Variants in HPSE2 observed in about 807,000 individuals in gnomAD.
HPSE2 encodes the protein heparanase 2 (inactive).
HPSE2 carries 38 observed loss-of-function variants against 60.5 expected under a neutral mutation model. The ratio of observed to expected loss-of-function variants is 0.63; its 90% CI spans 0.48 to 0.82. The LOEUF (loss-of-function observed/expected upper bound fraction) is 0.82, where lower values mean the gene tolerates loss of function less well. Among genes scored for constraint, HPSE2 ranks in the 40% least tolerant of loss-of-function variants. The pLI is 0.00. For missense variants in HPSE2, 713 were observed against 740.4 expected (o/e 0.96, Z 0.43); for synonymous variants, 295 against 293.2 (o/e 1.01, Z -0.06).
intron 11 of HPSE2, among the ~76,000 whole-genome samples, chr10:98,475,149 G>A (rs951905701): frequency 1.4e-5 from 2 of 142,268 alleles, no homozygotes; most frequent in East Asian, 2.0e-4. Context: ...ACGGAGTCTC[G>A]CTCTGTCGCC....
the HPSE2 span, among the ~76,000 whole-genome samples, chr10:99,269,033 C>T: frequency 6.6e-6 from 1 of 151,990 alleles, no homozygotes; most frequent in Admixed American, 6.6e-5. Context: ...GTGGCAGGTA[C>T]CTGCAATCCC....
intron 9 of HPSE2, among the ~76,000 whole-genome samples, chr10:98,566,118 G>A (rs1056391310): frequency 1.3e-5 from 2 of 152,174 alleles, no homozygotes; most frequent in African/African-American, 4.8e-5. Flanking sequence ...CACTTCAAAT[G>A]TGTGAAATAC....
chr10:98,546,893 T>A (rs11189670), intron 9 of HPSE2, among the ~76,000 whole-genome samples: 15 of 146,910 alleles, frequency 1.0e-4, no homozygotes, highest in South Asian at 2.2e-4. Flanking sequence ...GAAAATTTTC[T>A]CAACCTACTC....
At chr10:98,693,431 T>TA (rs1341835422) in intron 6 of HPSE2, among the ~76,000 whole-genome samples, 9 of 152,038 alleles carry the variant, frequency 5.9e-5, no homozygotes, top group South Asian at 2.1e-4. Context: ...ACTCTTTTTT[T>TA]AAAAAAAAGC....
the HPSE2 span, among the ~76,000 whole-genome samples, chr10:99,259,641 A>T: frequency 1.3e-5 from 2 of 152,210 alleles, no homozygotes; most frequent in Non-Finnish European, 1.5e-5. Flanking sequence ...CAATATTCCA[A>T]CATCAAAGAC....
At chr10:98,788,558 G>A (rs1026801746) in intron 3 of HPSE2, among the ~76,000 whole-genome samples, 22 of 151,798 alleles carry the variant, frequency 1.4e-4, no homozygotes, top group Non-Finnish European at 1.2e-4. Context: ...TTGCCGCCTT[G>A]CAGTTTGATC....
intron 2 of HPSE2, among the ~76,000 whole-genome samples, chr10:99,189,397 C>T (rs1377012376): frequency 6.6e-6 from 1 of 152,164 alleles, no homozygotes; most frequent in East Asian, 1.9e-4. Flanking sequence ...ACTTTCTCTC[C>T]TTTTCCACAT....
chr10:98,574,692 GAGAAGA>G (rs10533744), intron 9 of HPSE2, among the ~76,000 whole-genome samples: 2 of 151,808 alleles, frequency 1.3e-5, no homozygotes, highest in Non-Finnish European at 2.9e-5. Flanking sequence ...CATTGGCATC[GAGAAGA>G]AGGTCTACTT....
chr10:99,302,862 A>G, the HPSE2 span, among the ~76,000 whole-genome samples: 1 of 151,158 alleles, frequency 6.6e-6, no homozygotes, highest in Admixed American at 6.6e-5. Context: ...ATATCGAGGG[A>G]CATACCCTGG....
intron 3 of HPSE2, among the ~76,000 whole-genome samples, chr10:98,876,532 T>C (rs1267600812): frequency 2.6e-5 from 4 of 151,964 alleles, no homozygotes; most frequent in Non-Finnish European, 5.9e-5. Flanking sequence ...TGCAGACCAA[T>C]AGAATCTTCT....
At chr10:99,311,928 T>C in the HPSE2 span, among the ~76,000 whole-genome samples, 1 of 152,324 alleles carries the variant, frequency 6.6e-6, no homozygotes, top group African/African-American at 2.4e-5. Context: ...AATAGCCTTA[T>C]TGCTGATATG....
intron 6 of HPSE2, among the ~76,000 whole-genome samples, chr10:98,688,412 A>C (rs757924465): frequency 6.7e-6 from 1 of 148,590 alleles, no homozygotes; most frequent in Non-Finnish European, 1.5e-5. Flanking sequence ...TTGAGATCCA[A>C]GTTTCCTTCT....
intron 2 of HPSE2, among the ~76,000 whole-genome samples, chr10:99,204,842 T>C (rs1337993800): frequency 6.6e-6 from 1 of 152,238 alleles, no homozygotes; most frequent in African/African-American, 2.4e-5. Flanking sequence ...TATATGTAGA[T>C]AGTAGTCTAT....
chr10:99,150,318 T>C (rs1038417231), intron 2 of HPSE2, among the ~76,000 whole-genome samples: 1 of 152,144 alleles, frequency 6.6e-6, no homozygotes, highest in Non-Finnish European at 1.5e-5. Context: ...AATGACAGAC[T>C]GGCAGACCAG....
At chr10:98,524,391 T>C (rs7923631) in intron 9 of HPSE2, among the ~76,000 whole-genome samples, 48,338 of 151,996 alleles carry the variant, frequency 0.32, 7,850 homozygotes, top group East Asian at 0.42. Flanking sequence ...TATGTGTAAG[T>C]AGGGAGTGGT....
intron 9 of HPSE2, among the ~76,000 whole-genome samples, chr10:98,530,499 C>T (rs1943097397): frequency 6.6e-6 from 1 of 152,194 alleles, no homozygotes; most frequent in Non-Finnish European, 1.5e-5. Flanking sequence ...AACTTTGACT[C>T]TCCTTTATCC....
At chr10:98,687,833 CTT>C (rs1366877682) in intron 6 of HPSE2, among the ~76,000 whole-genome samples, 3 of 152,036 alleles carry the variant, frequency 2.0e-5, no homozygotes, top group Non-Finnish European at 2.9e-5. Flanking sequence ...CAATCTGTGT[CTT>C]TATATTTAAA....
chr10:98,799,865 C>T (rs1950866153), intron 3 of HPSE2, among the ~76,000 whole-genome samples: 1 of 151,626 alleles, frequency 6.6e-6, no homozygotes, highest in Non-Finnish European at 1.5e-5. Flanking sequence ...AATGATGCAT[C>T]TTAAAGAATT....
At chr10:98,963,161 T>A (rs547055229) in intron 3 of HPSE2, among the ~76,000 whole-genome samples, 1 of 152,308 alleles carries the variant, frequency 6.6e-6, no homozygotes, top group East Asian at 1.9e-4. Context: ...ATAATCAATA[T>A]GTACTTTCTG....
Sources: gnomAD v4.1 joint callset for allele counts (sites outside exome capture counted in the v4.1 genomes callset) on GRCh38, gnomAD v4.1.1 for gene constraint, MANE v1.5 for transcripts, NCBI Gene and HGNC (gene_info 2026-07-23, HGNC 2026-07-21) for gene names.